RASSF3: variants seen among roughly 807,000 people sequenced by gnomAD.
RASSF3 encodes Ras association domain family member 3.
RASSF3 carries 19 observed loss-of-function variants against 19.9 expected under a neutral mutation model. That is an observed-to-expected ratio of 0.96 (90% CI 0.67 to 1.40). The LOEUF is 1.40. Ranked by LOEUF, RASSF3 falls within the 40% of genes most tolerant of loss-of-function variation. RASSF3 has a pLI of 0.00. For synonymous variants in RASSF3, 110 were observed against 104.2 expected (o/e 1.06, Z -0.34); for missense variants, 306 against 289.8 (o/e 1.06, Z -0.41).
rs531290889 is a variant in RASSF3, at chr12:64,517,811, G to A, written c.169+10482G>A. Among the ~76,000 whole-genome samples, 19 of 151,862 alleles carry A rather than the reference G, an allele frequency of 1.3e-4. No individual in the cohort carries two copies. The South Asian group carries it at 3.8e-3, about 30-fold the overall frequency. ...TTTTTGTACTTTTTGTAGAGATGGG[G>A]TCTCACTATGTTGCCCAGGCTGGTC... is the stretch of plus-strand genomic sequence containing the variant. On this transcript the variant is annotated intron_variant, in intron 1 of 5. Coordinates refer to the RASSF3 transcript ENST00000637125.
chr12:64,552,082 T>C (rs187490471), intron 2 of RASSF3, among the ~76,000 whole-genome samples: 149 of 152,248 alleles, frequency 9.8e-4, no homozygotes, highest in African/African-American at 3.5e-3. Flanking sequence ...TTAGAGTTAG[T>C]TTTATTTAAA....
chr12:64,616,508 A>C (rs1870556823), intron 1 of RASSF3, among the ~76,000 whole-genome samples: 1 of 152,184 alleles, frequency 6.6e-6, no homozygotes, highest in African/African-American at 2.4e-5. Context: ...TCCAAGCATA[A>C]GTAGCTGTCT....
intron 1 of RASSF3, among the ~76,000 whole-genome samples, chr12:64,622,116 T>C (rs1043312540): frequency 1.3e-5 from 2 of 152,110 alleles, no homozygotes; most frequent in Non-Finnish European, 2.9e-5. Flanking sequence ...AGTGGCGCGA[T>C]CTTGGCTCAC....
intron 1 of RASSF3, among the ~76,000 whole-genome samples, chr12:64,644,283 G>A (rs1413069331): frequency 6.6e-6 from 1 of 152,252 alleles, no homozygotes; most frequent in South Asian, 2.1e-4. Flanking sequence ...TACCTGAGGA[G>A]CTCAGGAAGA....
At position 64,688,441 on chromosome 12, in the gene RASSF3, A is replaced by G. The variant is rs1873446457; in HGVS notation, c.445A>G (p.Arg149Gly). 3.7e-6 allele frequency: 6 copies of G among 1,612,770 alleles called. No homozygotes were observed. In the African/African-American group the frequency reaches 4.0e-5, roughly 11 times the overall value. The change falls in exon 3 of 5, where the codon AGG (arginine) becomes GGG (glycine). Residue 149 changes from arginine (R) to glycine (G), a missense_variant. Arg to Gly is a moderately radical substitution (Grantham distance 125). Coordinates refer to ENST00000542104, the MANE Select transcript of RASSF3 (RefSeq NM_178169.4). ...GTTTGCACTTTATAAGCGTTGTCAC[A>G]GGGAAGACCAAGGTACGCTGCCAGC... ...AKFALYKRCH[R>G]EDQVYACKLS... is the part of the protein sequence containing the mutation.
At chr12:64,683,989 G>GGA (rs60696217) in intron 1 of RASSF3, among the ~76,000 whole-genome samples, 7,794 of 121,002 alleles carry the variant, frequency 0.064, 330 homozygotes, top group East Asian at 0.17. Flanking sequence ...AGGGAGAGAA[G>GGA]GAGAGAGAGA....
At chr12:64,694,682 C>A in intron 4 of RASSF3, 81 bp from the exon 5 acceptor site, 2 of 1,511,610 alleles carry the variant, frequency 1.3e-6, no homozygotes, top group Non-Finnish European at 1.8e-6. Flanking sequence ...GCAGCCGCAC[C>A]TCTGGGAGCT....
intron 2 of RASSF3, among the ~76,000 whole-genome samples, chr12:64,581,979 C>T (rs1869709875): frequency 6.6e-6 from 1 of 152,010 alleles, no homozygotes; most frequent in African/African-American, 2.4e-5. Context: ...ACAGATCCTT[C>T]CACCTCAGTC....
chr12:64,620,925 T>G (rs1262905643), intron 1 of RASSF3, among the ~76,000 whole-genome samples: 3 of 152,106 alleles, frequency 2.0e-5, no homozygotes, highest in Non-Finnish European at 2.9e-5. Flanking sequence ...TTACATTCCT[T>G]TATTATTATT....
chr12:64,667,124 C>T (rs1038711507), intron 1 of RASSF3, among the ~76,000 whole-genome samples: 2 of 152,020 alleles, frequency 1.3e-5, no homozygotes, highest in South Asian at 2.1e-4. Context: ...GGTTACCAGC[C>T]GTTACCAGAG....
intron 1 of RASSF3, among the ~76,000 whole-genome samples, chr12:64,662,078 A>G (rs1872387669): frequency 6.6e-6 from 1 of 151,976 alleles, no homozygotes; most frequent in Admixed American, 6.6e-5. Context: ...AGAGAGAAAA[A>G]AAAATCCCTG....
At chr12:64,586,607 A>C (rs751590717) in intron 2 of RASSF3, among the ~76,000 whole-genome samples, 2 of 151,868 alleles carry the variant, frequency 1.3e-5, no homozygotes, top group Admixed American at 6.6e-5. Flanking sequence ...CTCATTTTGC[A>C]GATGAGAAAA....
chr12:64,628,723 G>A (rs1485802219), intron 1 of RASSF3, among the ~76,000 whole-genome samples: 3 of 151,928 alleles, frequency 2.0e-5, no homozygotes, highest in Non-Finnish European at 2.9e-5. Flanking sequence ...TCTTGAACTC[G>A]TGACCTAAGG....
downstream of RASSF3, among the ~76,000 whole-genome samples, chr12:64,542,129 G>GC (rs1465790416): frequency 6.6e-6 from 1 of 151,712 alleles, no homozygotes; most frequent in East Asian, 1.9e-4. Context: ...GGTGAGACCC[G>GC]CATCTCTACA....
intron 1 of RASSF3, among the ~76,000 whole-genome samples, chr12:64,668,745 G>A (rs531871752): frequency 5.3e-4 from 79 of 148,404 alleles, no homozygotes; most frequent in African/African-American, 1.9e-3. Context: ...GCAGTGGCGC[G>A]ATCTCGGCTC....
intron 1 of RASSF3, among the ~76,000 whole-genome samples, chr12:64,507,901 A>G (rs1868301717): frequency 6.6e-6 from 1 of 152,142 alleles, no homozygotes; most frequent in African/African-American, 2.4e-5. Flanking sequence ...TGGAATATGC[A>G]AGGGTCAGAG....
rs573805741 is a variant in RASSF3, at chr12:64,641,451, A to G, written c.111+30708A>G. On this transcript the variant is annotated intron_variant, in intron 1 of 4. Coordinates refer to ENST00000542104, the MANE Select transcript of RASSF3 (RefSeq NM_178169.4). ...GCGTTGAAAACAAATGAGAAACCCT[A>G]TGGACGTGGGGGACTAGACCTGTAC... is the stretch of plus-strand genomic sequence containing the variant. Among the ~76,000 whole-genome samples the G allele has an allele frequency of 1.0e-4, 14 of 134,882 alleles. No homozygotes were observed. In the South Asian group the frequency reaches 2.7e-3, roughly 26 times the overall value. The allele number at this position is 134,882 out of a possible 152,430, so 88.5% of individuals were successfully genotyped here.
chr12:64,588,907 A>G (rs1869865416), intron 2 of RASSF3, among the ~76,000 whole-genome samples: 2 of 152,164 alleles, frequency 1.3e-5, no homozygotes, highest in South Asian at 4.1e-4. Flanking sequence ...GTAACTTTTA[A>G]TGTGATTGAA....
At chr12:64,511,253 T>C (rs7959278) in intron 1 of RASSF3, among the ~76,000 whole-genome samples, 57,742 of 151,994 alleles carry the variant, frequency 0.38, 11,576 homozygotes, top group African/African-American at 0.5. Context: ...AAGGAGTTTA[T>C]ATACCAAATG....
Sources: gnomAD v4.1 joint callset for allele counts (sites outside exome capture counted in the v4.1 genomes callset) on GRCh38, gnomAD v4.1.1 for gene constraint, MANE v1.5 for transcripts, NCBI Gene and HGNC (gene_info 2026-07-23, HGNC 2026-07-21) for gene names.